Variants in AUTS2 observed in about 807,000 individuals in gnomAD.
The protein encoded by AUTS2 is autism susceptibility gene 2 protein.
AUTS2 carries 17 observed loss-of-function variants against 112.4 expected under a neutral mutation model. That is an observed-to-expected ratio of 0.15 (90% confidence interval 0.10 to 0.23). AUTS2 has a LOEUF of 0.23. AUTS2 is among the 10% of genes least tolerant of loss of function. AUTS2 has a pLI of 1.00. For missense variants in AUTS2, 1,510 were observed against 1,701.6 expected (o/e 0.89, Z 1.98); for synonymous variants, 751 against 702.7 (o/e 1.07, Z -1.09).
chr7:70,496,409 A>G (rs1399069311), intron 5 of AUTS2, among the ~76,000 whole-genome samples: 2 of 138,784 alleles, frequency 1.4e-5, no homozygotes, highest in African/African-American at 2.8e-5. Context: ...AGTCACACAC[A>G]CACCCCACAC....
At chr7:70,650,325 AG>A (rs1263427131) in intron 5 of AUTS2, among the ~76,000 whole-genome samples, 1 of 152,208 alleles carries the variant, frequency 6.6e-6, no homozygotes, top group African/African-American at 2.4e-5. Context: ...CTCCTGTAAC[AG>A]GGGAAGACCA....
In AUTS2 at chr7:70,733,540, C is replaced by T. The variant is rs1787579209; in HGVS notation, c.743-29330C>T. ...ACTCCCACCTGTACTCTCACCACCC[C>T]CCTACCCCCACATCTAGATTATGCA... On this transcript the variant is annotated intron_variant, in intron 6 of 18. Coordinates refer to ENST00000342771, the MANE Select transcript of AUTS2 (RefSeq NM_015570.4). Among the ~76,000 whole-genome samples, 4 of 115,200 alleles carry T rather than the reference C, an allele frequency of 3.5e-5. No individual in the cohort carries two copies. The Admixed American group carries it at 3.7e-4, about 11-fold the overall frequency. The allele number at this position is 115,200 out of a possible 152,430, so 75.6% of individuals were successfully genotyped here.
At chr7:70,493,887 A>G (rs1358111736) in intron 5 of AUTS2, among the ~76,000 whole-genome samples, 1 of 152,190 alleles carries the variant, frequency 6.6e-6, no homozygotes, top group Non-Finnish European at 1.5e-5. Context: ...GATGGTATTT[A>G]AAACTGAGTT....
intron 6 of AUTS2, among the ~76,000 whole-genome samples, chr7:70,761,361 G>C (rs1044949108): frequency 3.9e-5 from 6 of 152,176 alleles, no homozygotes; most frequent in Admixed American, 1.3e-4. Flanking sequence ...GAACCAACAA[G>C]AATACCACAT....
chr7:69,868,316 C>G lies in AUTS2; in HGVS notation c.310-30970C>G, dbSNP rs549500231. 2.6e-4 allele frequency among the ~76,000 whole-genome samples: 40 copies of G among 152,296 alleles called. No individual in the cohort carries two copies. In the Middle Eastern group the frequency reaches 0.02, roughly 78 times the overall value. Reference sequence around the variant, plus strand: ...TAGTGCAAGCGGTAGACCATTGTTACATATGATATATCACAAGCACCTGTG... The same window carrying G: ...TAGTGCAAGCGGTAGACCATTGTTAGATATGATATATCACAAGCACCTGTG... On this transcript the variant is annotated intron_variant, in intron 1 of 18. Transcript: ENST00000342771.
At chr7:70,501,206 G>A (rs10486872) in intron 5 of AUTS2, among the ~76,000 whole-genome samples, 28,782 of 151,930 alleles carry the variant, frequency 0.19, 2,913 homozygotes, top group African/African-American at 0.22. Context: ...AAAATATCTC[G>A]GGCAAGTTAA....
chr7:69,705,627 T>A (rs1205885717), intron 1 of AUTS2, among the ~76,000 whole-genome samples: 1 of 152,210 alleles, frequency 6.6e-6, no homozygotes, highest in Non-Finnish European at 1.5e-5. Context: ...ATCTGAAGAA[T>A]TTGGAATGGG....
intron 6 of AUTS2, among the ~76,000 whole-genome samples, chr7:70,734,252 A>G (rs960281016): frequency 6.6e-6 from 1 of 151,984 alleles, no homozygotes; most frequent in Non-Finnish European, 1.5e-5. Flanking sequence ...ATCCTGGCTA[A>G]CACAGTGAAA....
At chr7:69,963,067 G>C (rs1797494674) in intron 2 of AUTS2, among the ~76,000 whole-genome samples, 1 of 152,038 alleles carries the variant, frequency 6.6e-6, no homozygotes, top group Non-Finnish European at 1.5e-5. Context: ...CACATAGATT[G>C]TCCCATTTTA....
At chr7:70,133,261 C>A (rs1806371735) in intron 3 of AUTS2, among the ~76,000 whole-genome samples, 1 of 152,160 alleles carries the variant, frequency 6.6e-6, no homozygotes, top group African/African-American at 2.4e-5. Flanking sequence ...CATGTTTCCT[C>A]CTCAAAGAGC....
At chr7:70,451,207 G>T (rs1206912132) in intron 5 of AUTS2, among the ~76,000 whole-genome samples, 1 of 151,942 alleles carries the variant, frequency 6.6e-6, no homozygotes, top group Admixed American at 6.6e-5. Flanking sequence ...TAAATACTGG[G>T]GACTAGTAGA....
At chr7:69,777,842 G>A (rs986881618) in intron 1 of AUTS2, among the ~76,000 whole-genome samples, 15 of 152,156 alleles carry the variant, frequency 9.9e-5, no homozygotes, top group African/African-American at 2.2e-4. Flanking sequence ...GTGGGAGGGC[G>A]TTGGCCTTTA....
At chr7:69,747,718 G>T (rs1180278582) in intron 1 of AUTS2, among the ~76,000 whole-genome samples, 1 of 151,640 alleles carries the variant, frequency 6.6e-6, no homozygotes, top group Non-Finnish European at 1.5e-5. Context: ...CACAGTTTTT[G>T]TCATTGTGTG....
intron 5 of AUTS2, among the ~76,000 whole-genome samples, chr7:70,465,482 T>C (rs1001614770): frequency 6.6e-6 from 1 of 152,242 alleles, no homozygotes; most frequent in Non-Finnish European, 1.5e-5. Context: ...TTTTCTTCTT[T>C]ACTTCCAAGG....
chr7:69,971,403 C>T (rs539465440), intron 2 of AUTS2, among the ~76,000 whole-genome samples: 183 of 152,112 alleles, frequency 1.2e-3, no homozygotes, highest in Admixed American at 3.4e-3. Context: ...AATGGTAGTA[C>T]GTAATAATAG....
At chr7:70,697,565 C>CCCG (rs556746295) in intron 5 of AUTS2, among the ~76,000 whole-genome samples, 1 of 141,142 alleles carries the variant, frequency 7.1e-6, no homozygotes, top group African/African-American at 2.6e-5. Context: ...AGAATTCCCC[C>CCCG]CCCCCATTTC....
intron 4 of AUTS2, among the ~76,000 whole-genome samples, chr7:70,190,484 C>T (rs916134864): frequency 3.9e-5 from 6 of 152,166 alleles, no homozygotes; most frequent in Admixed American, 1.3e-4. Context: ...TCCTCACTGC[C>T]GCATTTTCGT....
intron 6 of AUTS2, chr7:70,699,147 G>A (rs1357541331): frequency 6.6e-6 from 1 of 152,220 alleles, no homozygotes; most frequent in East Asian, 1.9e-4. Flanking sequence ...TAGAGTAAGA[G>A]AGGCTAATGA....
intron 4 of AUTS2, among the ~76,000 whole-genome samples, chr7:70,340,592 A>T (rs1791220467): frequency 6.6e-6 from 1 of 152,064 alleles, no homozygotes; most frequent in Non-Finnish European, 1.5e-5. Flanking sequence ...GTTGCTGGGG[A>T]CGGTTAGTTC....
Sources: allele counts gnomAD v4.1 joint callset (sites outside exome capture counted in the v4.1 genomes callset), GRCh38; gene constraint gnomAD v4.1.1; transcripts MANE v1.5; gene names NCBI Gene and HGNC (gene_info 2026-07-23, HGNC 2026-07-21).